Variants in SETD7 observed in about 807,000 individuals in gnomAD.
The protein encoded by SETD7 is SET domain containing 7, histone lysine methyltransferase.
In SETD7, 16 loss-of-function variants were observed where a neutral mutation model predicts 41.8. The ratio of observed to expected loss-of-function variants is 0.38; its 90% CI spans 0.26 to 0.58. The LOEUF is 0.58. Among genes scored for constraint, SETD7 ranks in the 20% least tolerant of loss-of-function variants. SETD7 has a pLI of 0.64. For missense variants in SETD7, 346 were observed against 459.7 expected, an observed-to-expected ratio of 0.75 and a Z score of 2.26; for synonymous variants, 163 against 169.7, an observed-to-expected ratio of 0.96 and a Z score of 0.31.
At position 139,496,891 on chromosome 4, in the gene SETD7, T is replaced by C. The variant is rs191426225; in HGVS notation, c.921-370A>G. 6.0e-3 allele frequency among the ~76,000 whole-genome samples: 859 copies of C among 143,732 alleles called. 8 individuals carry two copies. The highest frequency in any genetic ancestry group is 0.023 in the African/African-American group (805 of 35,216). The allele number at this position is 143,732 out of a possible 152,430, so 94.3% of individuals were successfully genotyped here. A position where few individuals can be genotyped will look rare whatever the true frequency, so the allele number is the denominator to read the frequency against. The stretch of plus-strand genomic sequence containing the variant: ...GTTCCTGTACACACACACACACACA[T>C]GCACACACACAGAGTCCGAGTGCTA... On this transcript the variant is annotated intron_variant, in intron 7 of 7. Transcript: ENST00000506866.
intron 2 of SETD7, among the ~76,000 whole-genome samples, chr4:139,540,077 A>C (rs939751199): frequency 2.6e-5 from 4 of 152,188 alleles, no homozygotes; most frequent in Non-Finnish European, 5.9e-5. Flanking sequence ...ACAATGATAA[A>C]ATAATCCATC....
At chr4:139,512,196 A>AG (rs1726894840) in intron 7 of SETD7, among the ~76,000 whole-genome samples, 1 of 152,236 alleles carries the variant, frequency 6.6e-6, no homozygotes, top group South Asian at 2.1e-4. Flanking sequence ...GTCGTTAATG[A>AG]GAAATCAGAT....
chr4:139,550,218 A>C (rs1728072529), intron 1 of SETD7, among the ~76,000 whole-genome samples: 1 of 152,154 alleles, frequency 6.6e-6, no homozygotes, highest in African/African-American at 2.4e-5. Context: ...CCCTATCATC[A>C]TCTTAATCTC....
chr4:139,495,927 A>G (rs1726444883), downstream of SETD7: 1 of 153,590 alleles, frequency 6.5e-6, no homozygotes, highest in South Asian at 2.0e-4. Flanking sequence ...ATACCTAATA[A>G]CCTGGGTTTA....
chr4:139,549,744 A>G (rs1182517219), intron 1 of SETD7, among the ~76,000 whole-genome samples: 1 of 150,998 alleles, frequency 6.6e-6, no homozygotes, highest in Non-Finnish European at 1.5e-5. Flanking sequence ...AGCTGGGACT[A>G]TAGGTAGACA....
At chr4:139,551,957 T>A (rs1422609316) in intron 1 of SETD7, among the ~76,000 whole-genome samples, 1 of 152,236 alleles carries the variant, frequency 6.6e-6, no homozygotes, top group Non-Finnish European at 1.5e-5. Flanking sequence ...CACCAACTCT[T>A]AAAAACATAA....
In SETD7 at chr4:139,517,984, A is replaced by G; in HGVS notation, c.821T>C (p.Val274Ala). The change falls in exon 7 of 8, where the codon GTC becomes GCC. Residue 274 changes from valine to alanine, a missense_variant. Physicochemically the swap from Val to Ala is moderately conservative, Grantham distance 64 (BLOSUM62 0). Around this residue, in one of 3 missense-constraint regions of SETD7, gnomAD observed 266 missense variants for 377.0 expected, o/e 0.71. Coordinates refer to ENST00000274031, the MANE Select transcript of SETD7 (RefSeq NM_030648.4). ...GNTLSLDEET[V>A]IDVPEPYNHV... ...GTTATAGGGCTCAGGCACATCAATG[A>G]CCGTTTCTTCATCAAGGGAGAGGGT... The G allele has an allele frequency of 2.5e-6, 4 of 1,614,050 alleles. No individual in the cohort carries two copies. Among genetic ancestry groups the G allele is most frequent in the South Asian group, 2.2e-5 (2 of 91,076 alleles).
intron 2 of SETD7, among the ~76,000 whole-genome samples, chr4:139,537,902 G>A (rs1050210041): frequency 1.3e-5 from 2 of 152,064 alleles, no homozygotes; most frequent in African/African-American, 4.8e-5. Flanking sequence ...TTGTTATAAC[G>A]GTTAAATGGG....
intron 7 of SETD7, among the ~76,000 whole-genome samples, chr4:139,516,884 T>A (rs897451657): frequency 6.6e-6 from 1 of 152,136 alleles, no homozygotes; most frequent in Non-Finnish European, 1.5e-5. Context: ...GAGACCGCAG[T>A]GAGATCCCAT....
In SETD7 at chr4:139,508,553, A is replaced by T. The variant is rs1726773196; in HGVS notation, c.*3110T>A. 1 of 152,246 alleles carries T rather than the reference A, an allele frequency of 6.6e-6. No individual in the cohort carries two copies. Among genetic ancestry groups the T allele is most frequent in the Non-Finnish European group, 1.5e-5 (1 of 68,040 alleles). The allele number at this position is 152,246 out of a possible 1,614,324, so 9.4% of individuals were successfully genotyped here. A position where few individuals can be genotyped will look rare whatever the true frequency, so the allele number is the denominator to read the frequency against. On this transcript the variant is annotated 3_prime_UTR_variant, in exon 8 of 8. Transcript: ENST00000274031. Reference sequence around the variant, plus strand: ...ATCACAGAAAAGATGCTAAGGGAAGATCTGGTCATGCAGGAGTTGGACTGA... The same window carrying T: ...ATCACAGAAAAGATGCTAAGGGAAGTTCTGGTCATGCAGGAGTTGGACTGA...
In SETD7 at chr4:139,556,201, C is replaced by T; in HGVS notation, c.-64G>A. 3 of 1,533,350 alleles carry T rather than the reference C, an allele frequency of 2.0e-6. No individual in the cohort carries two copies. The highest frequency in any genetic ancestry group is 1.2e-5 in the South Asian group (1 of 82,382). The allele number at this position is 1,533,350 out of a possible 1,614,324, so 95.0% of individuals were successfully genotyped here. On this transcript the variant is annotated 5_prime_UTR_variant, in exon 1 of 8. Coordinates refer to ENST00000274031, the MANE Select transcript of SETD7 (RefSeq NM_030648.4). ...TGCCTCCCGTCCCTCTGGGTGCTCC[C>T]GGCGGCTGAGCGAGCTCTGGGGCTC...
intron 1 of SETD7, 54 bp from the exon 2 acceptor site, chr4:139,547,103 C>T: frequency 6.2e-7 from 1 of 1,600,194 alleles, no homozygotes. Context: ...CTCCTCCCAT[C>T]TGACGTCTAA....
Position 139,533,069 on chromosome 4 carries a change from C to T in SETD7, c.372+96G>A, listed in dbSNP as rs1423938873. 3 of 1,139,226 alleles carry T rather than the reference C, an allele frequency of 2.6e-6. No individual in the cohort carries two copies. The South Asian group carries it at 3.9e-5, about 15-fold the overall frequency. 70.6% of individuals were successfully genotyped at this position (1,139,226 alleles called of 1,614,324 possible). The stretch of plus-strand genomic sequence containing the variant: ...CAGCTGTGGTGACTCTCAGGTTTCA[C>T]AGCTCCCAAGTTCTAACACAGAATA... On this transcript the variant is annotated intron_variant, in intron 3 of 7. Coordinates refer to ENST00000274031, the MANE Select transcript of SETD7 (RefSeq NM_030648.4).
At chr4:139,522,676 G>A (rs899852710) in intron 5 of SETD7, among the ~76,000 whole-genome samples, 11 of 150,950 alleles carry the variant, frequency 7.3e-5, no homozygotes, top group African/African-American at 2.7e-4. Context: ...GCATGTGACT[G>A]CAGCACAGAC....
intron 7 of SETD7, 55 bp downstream of exon 7, chr4:139,517,829 TC>T: frequency 6.5e-7 from 1 of 1,545,360 alleles, no homozygotes; most frequent in Non-Finnish European, 8.8e-7. Context: ...ACTGCCCTCC[TC>T]CGTCTCAGGG....
At chr4:139,543,043 T>A (rs1727822900) in intron 2 of SETD7, among the ~76,000 whole-genome samples, 1 of 152,248 alleles carries the variant, frequency 6.6e-6, no homozygotes, top group Admixed American at 6.5e-5. Context: ...AGACAAACTC[T>A]TTGATGGGGA....
Position 139,533,314 on chromosome 4 carries a change from T to C in SETD7, c.223A>G (p.Thr75Ala). The part of the protein sequence containing the change: ...DDALQGQGVY[T>A]YEDGGVLQGT... ...TGGAGAACTCCCCCATCTTCGTAAG[T>C]GTAAACTCCCTGGCCCTGCAAGGCA... is the stretch of plus-strand genomic sequence containing the variant. The change falls in exon 3 of 8, where the codon ACT becomes GCT. Residue 75 changes from threonine to alanine, a missense_variant. By Grantham distance (58) the Thr-to-Ala change is moderately conservative (BLOSUM62 0). Transcript: ENST00000274031. 1.2e-6 allele frequency: 2 copies of C among 1,614,110 alleles called. No individual in the cohort carries two copies. Among genetic ancestry groups the C allele is most frequent in the Non-Finnish European group, 8.5e-7 (1 of 1,180,016 alleles).
chr4:139,498,744 A>G (rs1579193769), intron 7 of SETD7, among the ~76,000 whole-genome samples: 2 of 152,204 alleles, frequency 1.3e-5, no homozygotes, highest in Admixed American at 6.5e-5. Flanking sequence ...GATCCTGCCA[A>G]CCAGAACTAT....
chr4:139,551,630 CAAGAGA>C (rs2111178999), intron 1 of SETD7, among the ~76,000 whole-genome samples: 1 of 152,000 alleles, frequency 6.6e-6, no homozygotes, highest in Non-Finnish European at 1.5e-5. Context: ...GGCTTACTCA[CAAGAGA>C]TCTGAGAGTG....
Sources: gnomAD v4.1 joint callset for allele counts (sites outside exome capture counted in the v4.1 genomes callset) on GRCh38, gnomAD v4.1.1 for gene constraint, gnomAD v4.1.1 regional missense constraint, MANE v1.5 for transcripts, NCBI Gene and HGNC (gene_info 2026-07-23, HGNC 2026-07-21) for gene names.